MACF1: variants seen among roughly 807,000 people sequenced by gnomAD.
MACF1 encodes microtubule-actin cross-linking factor 1.
Under a neutral mutation model 854.8 loss-of-function variants are expected in MACF1, and 193 were observed. That is an observed-to-expected ratio of 0.23 (90% CI 0.20 to 0.25). MACF1 has a LOEUF of 0.25. Ranked by LOEUF, MACF1 falls within the 10% of genes least tolerant of loss-of-function variation. The probability of loss-of-function intolerance (pLI) is 1.00; values close to 1 mark genes in which losing one functional copy is unlikely to be tolerated. For missense variants in MACF1, 7,722 were observed against 8,929.1 expected, an observed-to-expected ratio of 0.86 and a Z score of 5.45; for synonymous variants, 3,185 against 3,226.7, an observed-to-expected ratio of 0.99 and a Z score of 0.44.
intron 2 of MACF1, among the ~76,000 whole-genome samples, chr1:39,121,550 G>A (rs1642712328): frequency 6.6e-6 from 1 of 152,126 alleles, no homozygotes; most frequent in Admixed American, 6.5e-5. Context: ...CCGGGTTCAA[G>A]TGATTCTTGT....
At chr1:39,231,952 A>T (rs1450700245) in intron 2 of MACF1, among the ~76,000 whole-genome samples, 1 of 151,686 alleles carries the variant, frequency 6.6e-6, no homozygotes, top group Non-Finnish European at 1.5e-5. Flanking sequence ...GAATTTTTAC[A>T]TGAATTTTAC....
At chr1:39,455,192 T>A in intron 89 of MACF1, 95 bp downstream of exon 89, 1 of 1,214,714 alleles carries the variant, frequency 8.2e-7, no homozygotes, top group Non-Finnish European at 1.2e-6. Flanking sequence ...AATGGCTGCT[T>A]AACACATTAC....
intron 2 of MACF1, among the ~76,000 whole-genome samples, chr1:39,126,994 G>A (rs1007654801): frequency 6.6e-6 from 1 of 152,162 alleles, no homozygotes; most frequent in South Asian, 2.1e-4. Context: ...CCCTTTGGGA[G>A]GGTGAGGCAG....
chr1:39,254,648 G>C (rs1645078303), intron 5 of MACF1: 3 of 363,132 alleles, frequency 8.3e-6, no homozygotes, highest in African/African-American at 4.2e-5. Context: ...CTTAGGTGGG[G>C]GTCAAAATGA....
chr1:39,233,655 T>C (rs1644812046), intron 2 of MACF1, among the ~76,000 whole-genome samples: 1 of 152,074 alleles, frequency 6.6e-6, no homozygotes, highest in Non-Finnish European at 1.5e-5. Context: ...AGCATGATTT[T>C]AACACTGCAA....
intron 52 of MACF1, among the ~76,000 whole-genome samples, chr1:39,374,503 C>T (rs990156737): frequency 1.3e-5 from 2 of 152,160 alleles, no homozygotes; most frequent in African/African-American, 4.8e-5. Flanking sequence ...GTGACTTATT[C>T]GTGTGACTAA....
chr1:39,286,591 G>A (rs545056657), intron 14 of MACF1, among the ~76,000 whole-genome samples: 6 of 150,576 alleles, frequency 4.0e-5, no homozygotes, highest in Non-Finnish European at 7.4e-5. Flanking sequence ...CTCAGCCTCC[G>A]GAGTAGCTGG....
chr1:39,154,453 T>C (rs1182426986), intron 2 of MACF1, among the ~76,000 whole-genome samples: 1 of 152,184 alleles, frequency 6.6e-6, no homozygotes, highest in African/African-American at 2.4e-5. Context: ...CTGTCCAGGT[T>C]CAGTTTCTCT....
chr1:39,444,807 T>A lies in MACF1; in HGVS notation c.19577T>A (p.Val6526Glu). The change falls in exon 80 of 101, where the codon GTG becomes GAG. Residue 6526 changes from valine (V) to glutamate (E), a missense_variant. By Grantham distance (121) the Val-to-Glu change is moderately radical. Coordinates refer to ENST00000564288, the MANE Select transcript of MACF1 (RefSeq NM_001394062.1). The part of the protein sequence containing the change: ...SVALLEQKWH[V>E]VSSKMEERKS... ...GCACTTTTGGAGCAGAAGTGGCATG[T>A]GGTCAGCAGTAAGATGGAAGAAAGA... 6.2e-7 allele frequency: 1 copy of A among 1,612,448 alleles called. No individual in the cohort carries two copies. The highest frequency in any genetic ancestry group is 8.5e-7 in the Non-Finnish European group (1 of 1,178,836).
chr1:39,425,115 C>CA (rs1277747373), intron 61 of MACF1, among the ~76,000 whole-genome samples: 1 of 152,132 alleles, frequency 6.6e-6, no homozygotes, highest in African/African-American at 2.4e-5. Flanking sequence ...ATTAGCTTTC[C>CA]AGTTTCCTAG....
chr1:39,239,915 C>T (rs1479663153), intron 2 of MACF1, among the ~76,000 whole-genome samples: 1 of 152,104 alleles, frequency 6.6e-6, no homozygotes, highest in Admixed American at 6.6e-5. Flanking sequence ...TCCTTCCGTC[C>T]GTCCGTCTTT....
intron 87 of MACF1, among the ~76,000 whole-genome samples, chr1:39,453,385 G>A (rs975004559): frequency 3.3e-5 from 5 of 152,098 alleles, no homozygotes; most frequent in African/African-American, 1.2e-4. Context: ...AACATGAAAT[G>A]AAATAGGATA....
chr1:39,223,531 T>TA (rs1426727856), intron 1 of MACF1, among the ~76,000 whole-genome samples: 3 of 151,936 alleles, frequency 2.0e-5, no homozygotes, highest in Non-Finnish European at 4.4e-5. Flanking sequence ...TTTTTTTTTT[T>TA]AAGACAGAAT....
rs774762449 is a variant in MACF1, at chr1:39,353,016, G to A, written c.11209G>A (p.Ala3737Thr). The A allele has an allele frequency of 6.2e-7, 1 of 1,613,094 alleles. No individual in the cohort carries two copies. The highest frequency in any genetic ancestry group is 1.1e-5 in the South Asian group (1 of 91,036). Reference protein sequence around the residue: ...LQQETEKSKAAKELAENKKKI... With the variant: ...LQQETEKSKATKELAENKKKI... Reference sequence around the variant, plus strand: ...CCTCGGTGGCTTTCAGAGTAAAGCAGCAAAGGAACTGGCAGAGAACAAGAA... The same window carrying A: ...CCTCGGTGGCTTTCAGAGTAAAGCAACAAAGGAACTGGCAGAGAACAAGAA... The change falls in exon 44 of 101, where the codon GCA becomes ACA. Residue 3737 changes from alanine to threonine, a missense_variant. Ala to Thr is a moderately conservative substitution (Grantham distance 58). Around this residue, in one of 15 missense-constraint regions of MACF1, gnomAD observed 2,807 missense variants for 3,235.8 expected, o/e 0.87. Coordinates refer to ENST00000564288, the MANE Select transcript of MACF1 (RefSeq NM_001394062.1).
chr1:39,190,017 G>C (rs1309940901), intron 2 of MACF1, among the ~76,000 whole-genome samples: 1 of 152,176 alleles, frequency 6.6e-6, no homozygotes, highest in Admixed American at 6.6e-5. Flanking sequence ...AACAGATCCA[G>C]TGTAGTTAAA....
At chr1:39,477,064 T>TACACACACAC (rs1557674885) in intron 97 of MACF1, among the ~76,000 whole-genome samples, 1 of 18,442 alleles carries the variant, frequency 5.4e-5, no homozygotes, top group Non-Finnish European at 9.1e-5. Flanking sequence ...TATATATATA[T>TACACACACAC]ATATATATAT....
intron 2 of MACF1, among the ~76,000 whole-genome samples, chr1:39,169,123 GTC>G (rs1466144643): frequency 6.6e-6 from 1 of 152,064 alleles, no homozygotes; most frequent in African/African-American, 2.4e-5. Context: ...TCTTAAATTT[GTC>G]TTTTTCTCCC....
chr1:39,437,754 G>A (rs750735423), intron 70 of MACF1, 23 bp from the exon 71 acceptor site: 17 of 1,518,910 alleles, frequency 1.1e-5, no homozygotes, highest in Non-Finnish European at 1.6e-5. Flanking sequence ...TGCTGTGATG[G>A]TAATGTTCCA....
chr1:39,339,832 T>C (rs1168634617), intron 38 of MACF1, among the ~76,000 whole-genome samples: 1 of 152,012 alleles, frequency 6.6e-6, no homozygotes, highest in Non-Finnish European at 1.5e-5. Context: ...TGTCATAGGA[T>C]TGGAGTCACC....
Sources: gnomAD v4.1 joint callset for allele counts (sites outside exome capture counted in the v4.1 genomes callset) on GRCh38, gnomAD v4.1.1 for gene constraint, gnomAD v4.1.1 regional missense constraint, MANE v1.5 for transcripts, NCBI Gene and HGNC (gene_info 2026-07-23, HGNC 2026-07-21) for gene names.